IGSF21: variants seen among roughly 807,000 people sequenced by gnomAD.
IGSF21 encodes the protein immunoglobin superfamily member 21.
A neutral mutation model predicts 46.8 loss-of-function variants in IGSF21; 28 were observed. That is an observed-to-expected ratio of 0.60 (90% confidence interval 0.44 to 0.82). IGSF21 has a LOEUF of 0.82. Among genes scored for constraint, IGSF21 ranks in the 40% least tolerant of loss-of-function variants. The probability of loss-of-function intolerance (pLI) is 0.00; values close to 1 mark genes in which losing one functional copy is unlikely to be tolerated. For synonymous variants in IGSF21, 284 were observed against 273.6 expected, an observed-to-expected ratio of 1.04 and a Z score of -0.38; for missense variants, 624 against 665.5, an observed-to-expected ratio of 0.94 and a Z score of 0.69.
chr1:18,189,149 C>A (rs1009263797), intron 1 of IGSF21, among the ~76,000 whole-genome samples: 1 of 152,238 alleles, frequency 6.6e-6, no homozygotes, highest in Non-Finnish European at 1.5e-5. Flanking sequence ...GGCCTCATAG[C>A]GGGGTGCCAG....
intron 1 of IGSF21, among the ~76,000 whole-genome samples, chr1:18,189,383 G>C (rs1302305650): frequency 6.6e-6 from 1 of 152,196 alleles, no homozygotes; most frequent in Non-Finnish European, 1.5e-5. Context: ...AACCTTTTTG[G>C]CACCAGGAAC....
In IGSF21 at chr1:18,361,054, G is replaced by A. The variant is rs536369869; in HGVS notation, c.425-1061G>A. Among the ~76,000 whole-genome samples the A allele has an allele frequency of 1.6e-4, 25 of 152,196 alleles. No individual in the cohort carries two copies. The East Asian group carries it at 4.8e-3, about 30-fold the overall frequency. On this transcript the variant is annotated intron_variant, in intron 4 of 9. Transcript: ENST00000251296. Reference sequence around the variant, plus strand: ...AGAAGAGAGGTTGAGTGGGTGGGAGGGGTGGCCAACAAAAATAAGCCAACT... The same window carrying A: ...AGAAGAGAGGTTGAGTGGGTGGGAGAGGTGGCCAACAAAAATAAGCCAACT...
At chr1:18,238,486 C>T (rs928107355) in intron 2 of IGSF21, among the ~76,000 whole-genome samples, 6 of 152,192 alleles carry the variant, frequency 3.9e-5, no homozygotes, top group Non-Finnish European at 8.8e-5. Flanking sequence ...ACTGTTCTCC[C>T]TGGCTTGAAG....
At chr1:18,348,832 C>T (rs751675832) in intron 4 of IGSF21, among the ~76,000 whole-genome samples, 21 of 152,170 alleles carry the variant, frequency 1.4e-4, no homozygotes, top group Non-Finnish European at 2.9e-4. Context: ...AGCTCAGCAG[C>T]CCTGACTTTG....
At chr1:18,195,631 G>A (rs570420638) in intron 1 of IGSF21, among the ~76,000 whole-genome samples, 71 of 152,244 alleles carry the variant, frequency 4.7e-4, no homozygotes, top group African/African-American at 1.1e-3. Flanking sequence ...TGCACCTGGC[G>A]TTCTCTTTGG....
At chr1:18,116,561 G>A (rs1276727296) in intron 1 of IGSF21, among the ~76,000 whole-genome samples, 1 of 152,220 alleles carries the variant, frequency 6.6e-6, no homozygotes, top group Admixed American at 6.5e-5. Context: ...GGAGAGTGGG[G>A]TCACTGTTTC....
At chr1:18,214,975 C>T (rs1002064722) in intron 1 of IGSF21, among the ~76,000 whole-genome samples, 12 of 152,254 alleles carry the variant, frequency 7.9e-5, no homozygotes, top group Non-Finnish European at 1.3e-4. Flanking sequence ...CTCTTGACCT[C>T]GTGATCCGCC....
At chr1:18,215,974 C>A (rs547071515) in intron 1 of IGSF21, among the ~76,000 whole-genome samples, 1 of 152,284 alleles carries the variant, frequency 6.6e-6, no homozygotes, top group East Asian at 1.9e-4. Context: ...AAGCATTATG[C>A]AGAGGTGCAT....
intron 3 of IGSF21, among the ~76,000 whole-genome samples, chr1:18,294,043 C>T (rs530932750): frequency 1.3e-5 from 2 of 152,302 alleles, no homozygotes; most frequent in East Asian, 3.9e-4. Flanking sequence ...TCAGGTCCTT[C>T]GCCTGTAGAG....
Position 18,108,138 on chromosome 1 carries a change from G to C in IGSF21, c.10G>C (p.Ala4Pro). MRT[A>P]PSLRRCVCLL... ...CCAGCTCCCGGGCACCATGCGAACC[G>C]CCCCGAGCCTCCGCCGCTGCGTCTG... Residue 4 changes from alanine (A) to proline (P), a missense_variant, in exon 1 of 10, where the codon GCC (alanine) becomes CCC (proline). By Grantham distance (27) the Ala-to-Pro change is conservative. Transcript: ENST00000251296. 7.0e-7 allele frequency: 1 copy of C among 1,430,570 alleles called. No individual in the cohort carries two copies. The highest frequency in any genetic ancestry group is 9.2e-7 in the Non-Finnish European group (1 of 1,091,202). 88.6% of individuals were successfully genotyped at this position (1,430,570 alleles called of 1,614,324 possible). A position where few individuals can be genotyped will look rare whatever the true frequency, so the allele number is the denominator to read the frequency against.
chr1:18,303,352 A>T (rs1157086550), intron 3 of IGSF21, among the ~76,000 whole-genome samples: 2 of 152,132 alleles, frequency 1.3e-5, no homozygotes, highest in Admixed American at 1.3e-4. Context: ...CTTGCACAAG[A>T]GCTGAGAGCT....
chr1:18,283,269 CA>C (rs2085180244), intron 2 of IGSF21, among the ~76,000 whole-genome samples: 1 of 152,242 alleles, frequency 6.6e-6, no homozygotes, highest in Non-Finnish European at 1.5e-5. Context: ...CAGGGGAAGC[CA>C]ATTACCTTGA....
chr1:18,167,457 T>G (rs2086690498), intron 1 of IGSF21, among the ~76,000 whole-genome samples: 1 of 152,100 alleles, frequency 6.6e-6, no homozygotes, highest in South Asian at 2.1e-4. Flanking sequence ...CTGGGGAGCC[T>G]AAATTCTCTG....
At chr1:18,362,974 C>A (rs2086118256) in intron 5 of IGSF21, among the ~76,000 whole-genome samples, 1 of 152,104 alleles carries the variant, frequency 6.6e-6, no homozygotes, top group African/African-American at 2.4e-5. Context: ...GTTTAGGGGG[C>A]TGGACAATAT....
chr1:18,116,625 C>T (rs944875344), intron 1 of IGSF21, among the ~76,000 whole-genome samples: 5 of 152,184 alleles, frequency 3.3e-5, no homozygotes, highest in Admixed American at 6.5e-5. Flanking sequence ...CAGTCACTTC[C>T]ATTAATTAAG....
intron 4 of IGSF21, among the ~76,000 whole-genome samples, chr1:18,344,647 G>T (rs527849519): frequency 6.6e-6 from 1 of 152,060 alleles, no homozygotes; most frequent in African/African-American, 2.4e-5. Flanking sequence ...AAGCAAAGCC[G>T]CCATACAATG....
chr1:18,232,563 G>A (rs1048188513), intron 2 of IGSF21, among the ~76,000 whole-genome samples: 1 of 152,184 alleles, frequency 6.6e-6, no homozygotes, highest in African/African-American at 2.4e-5. Context: ...CGAAGAGACT[G>A]TGTCTCGGGT....
intron 1 of IGSF21, among the ~76,000 whole-genome samples, chr1:18,183,901 C>G (rs2086879510): frequency 6.6e-6 from 1 of 152,130 alleles, no homozygotes; most frequent in Non-Finnish European, 1.5e-5. Flanking sequence ...CCGAACATCC[C>G]ATTGGCTAAA....
At chr1:18,258,319 A>G (rs2084910634) in intron 2 of IGSF21, among the ~76,000 whole-genome samples, 1 of 152,074 alleles carries the variant, frequency 6.6e-6, no homozygotes, top group African/African-American at 2.4e-5. Flanking sequence ...CTCTGTCTAG[A>G]CTGATTAAGG....
Sources: allele counts gnomAD v4.1 joint callset (sites outside exome capture counted in the v4.1 genomes callset), GRCh38; gene constraint gnomAD v4.1.1; transcripts MANE v1.5; gene names NCBI Gene and HGNC (gene_info 2026-07-23, HGNC 2026-07-21).